The following PLGRKT variants were observed in gnomAD, a reference collection of about 807,000 sequenced individuals.
The protein encoded by PLGRKT is plasminogen receptor (KT).
A neutral mutation model predicts 18.5 loss-of-function variants in PLGRKT; 22 were observed. The ratio of observed to expected loss-of-function variants is 1.19; its 90% CI spans 0.85 to 1.70. The LOEUF is 1.70. Among genes scored for constraint, PLGRKT ranks in the 40% most tolerant of loss-of-function variants. The pLI is 0.00. For missense variants in PLGRKT, 235 were observed against 174.4 expected (o/e 1.35, Z -1.96); for synonymous variants, 72 against 52.8 (o/e 1.36, Z -1.58).
At chr9:5,416,602 C>T (rs1586737414) in intron 3 of PLGRKT, among the ~76,000 whole-genome samples, 2 of 152,106 alleles carry the variant, frequency 1.3e-5, no homozygotes, top group African/African-American at 4.8e-5. Context: ...TGAAAATTTG[C>T]TCTCTTCAGA....
chr9:5,390,310 G>A (rs1817925303), intron 3 of PLGRKT, among the ~76,000 whole-genome samples: 2 of 151,164 alleles, frequency 1.3e-5, no homozygotes, highest in Non-Finnish European at 2.9e-5. Context: ...ACTGCCAGAC[G>A]AAGACCTAGA....
At chr9:5,425,882 A>T (rs919281379) in intron 3 of PLGRKT, among the ~76,000 whole-genome samples, 1 of 152,186 alleles carries the variant, frequency 6.6e-6, no homozygotes, top group Non-Finnish European at 1.5e-5. Flanking sequence ...CTCCAGTAGG[A>T]TAAGATTTTA....
intron 2 of PLGRKT, among the ~76,000 whole-genome samples, chr9:5,435,324 A>C (rs1377841306): frequency 2.0e-5 from 3 of 148,318 alleles, no homozygotes; most frequent in Admixed American, 1.3e-4. Context: ...TAAATACTAA[A>C]AAAAAAAAAA....
At chr9:5,412,858 T>G (rs1418704619) in intron 3 of PLGRKT, among the ~76,000 whole-genome samples, 2 of 152,094 alleles carry the variant, frequency 1.3e-5, no homozygotes, top group East Asian at 3.8e-4. Flanking sequence ...TAGGAAGATA[T>G]ATCCATAGAC....
chr9:5,418,621 TG>T lies in PLGRKT; in HGVS notation c.81+13275del, dbSNP rs2131156131. The T allele has an allele frequency of 1.4e-6, 1 of 716,786 alleles. No individual in the cohort carries two copies. Among genetic ancestry groups the T allele is most frequent in the African/African-American group, 1.7e-5 (1 of 57,546 alleles). 44.4% of individuals were successfully genotyped at this position (716,786 alleles called of 1,614,324 possible). On this transcript the variant is annotated intron_variant, in intron 3 of 5. Transcript: ENST00000223864. The surrounding 1 kb of genome is among the most constrained non-coding windows in gnomAD (Gnocchi z 4.2). Reference sequence around the variant, plus strand: ...CTTCTGCCGGTTCCTGGGCAGCAGGTGGCGGCTCATATCTCCGGGCAGCAGC... The same window carrying T: ...CTTCTGCCGGTTCCTGGGCAGCAGGTGCGGCTCATATCTCCGGGCAGCAGC...
At chr9:5,395,997 G>A (rs1049716926) in intron 3 of PLGRKT, among the ~76,000 whole-genome samples, 2 of 150,126 alleles carry the variant, frequency 1.3e-5, no homozygotes, top group Admixed American at 6.7e-5. Flanking sequence ...GAGTTCAAGC[G>A]ATTCTCCTGC....
At chr9:5,374,081 CGTCTACATTCAAAT>C in intron 3 of PLGRKT, among the ~76,000 whole-genome samples, 1 of 152,290 alleles carries the variant, frequency 6.6e-6, no homozygotes. Flanking sequence ...TTGCTGATGA[CGTCTACATTCAAAT>C]CTCTACCTTA....
intron 3 of PLGRKT, among the ~76,000 whole-genome samples, chr9:5,377,453 T>C (rs1817651609): frequency 6.6e-6 from 1 of 152,190 alleles, no homozygotes; most frequent in Non-Finnish European, 1.5e-5. Context: ...AAGAGACTAT[T>C]CATTTTTTTC....
At chr9:5,403,229 T>C (rs1320210302) in intron 3 of PLGRKT, among the ~76,000 whole-genome samples, 2 of 150,512 alleles carry the variant, frequency 1.3e-5, no homozygotes, top group African/African-American at 2.5e-5. Flanking sequence ...TTTTTCTTTT[T>C]TTTTTTTTTT....
chr9:5,423,863 C>T (rs1330676553), intron 3 of PLGRKT, among the ~76,000 whole-genome samples: 1 of 81,444 alleles, frequency 1.2e-5, no homozygotes, highest in Non-Finnish European at 2.5e-5. Context: ...TCACATTGCC[C>T]AGCTAATATA....
intron 3 of PLGRKT, among the ~76,000 whole-genome samples, chr9:5,399,885 G>T (rs1818124102): frequency 6.6e-6 from 1 of 151,576 alleles, no homozygotes; most frequent in African/African-American, 2.4e-5. Flanking sequence ...CAGCTACTCA[G>T]GAAGCTGAGG....
chr9:5,416,562 C>T (rs1163406891), intron 3 of PLGRKT, among the ~76,000 whole-genome samples: 4 of 152,200 alleles, frequency 2.6e-5, no homozygotes, highest in Admixed American at 2.0e-4. Context: ...AATCCACCCC[C>T]TTGCCCAAGC....
At chr9:5,414,993 C>A (rs1474968965) in intron 3 of PLGRKT, among the ~76,000 whole-genome samples, 1 of 152,106 alleles carries the variant, frequency 6.6e-6, no homozygotes, top group Non-Finnish European at 1.5e-5. Flanking sequence ...CATGTCTTTG[C>A]TAAGAGGACA....
At chr9:5,430,522 G>C (rs1184204731) in intron 3 of PLGRKT, among the ~76,000 whole-genome samples, 1 of 152,172 alleles carries the variant, frequency 6.6e-6, no homozygotes, top group Non-Finnish European at 1.5e-5. Context: ...TATTTATGAG[G>C]TGAGAAGCAT....
chr9:5,383,215 GATT>G lies in PLGRKT; in HGVS notation c.82-21330_82-21328del, dbSNP rs151086661. On this transcript the variant is annotated intron_variant, in intron 3 of 5. Transcript: ENST00000223864. ...CTGGAAGCTGCAAAAGGCAAAGAAG[GATT>G]CTCCCCTAGAGCCTTCAGAGAGACG... Among the ~76,000 whole-genome samples, 240 of 152,302 alleles carry G rather than the reference GATT, an allele frequency of 1.6e-3. 1 individual carries two copies. The highest frequency in any genetic ancestry group is 5.3e-3 in the African/African-American group (221 of 41,568).
At chr9:5,415,161 G>T (rs868626491) in intron 3 of PLGRKT, among the ~76,000 whole-genome samples, 32 of 152,220 alleles carry the variant, frequency 2.1e-4, no homozygotes, top group Middle Eastern at 3.4e-3. Context: ...TCACAGAAAA[G>T]AAGCAGGTAC....
At chr9:5,398,264 G>T (rs892979880) in intron 3 of PLGRKT, among the ~76,000 whole-genome samples, 1 of 151,818 alleles carries the variant, frequency 6.6e-6, no homozygotes, top group African/African-American at 2.4e-5. Flanking sequence ...GATTTAGGAA[G>T]GTGAGAAACC....
In PLGRKT at chr9:5,392,111, G is replaced by A. The variant is rs1189227897; in HGVS notation, c.82-30223C>T. Among the ~76,000 whole-genome samples the A allele has an allele frequency of 2.0e-5, 3 of 151,946 alleles. No individual in the cohort carries two copies. The East Asian group carries it at 5.8e-4, about 29-fold the overall frequency. ...CATGCTGAACACACTGGGACAAATT[G>A]AGTTTTCTGTGCCTTTGGGTTTTTT... On this transcript the variant is annotated intron_variant, in intron 3 of 5. Coordinates refer to ENST00000223864, the MANE Select transcript of PLGRKT (RefSeq NM_018465.4).
chr9:5,406,710 A>C (rs556092089), intron 3 of PLGRKT, among the ~76,000 whole-genome samples: 7 of 152,240 alleles, frequency 4.6e-5, no homozygotes, highest in Non-Finnish European at 8.8e-5. Flanking sequence ...ACCATGGTAC[A>C]CGTTTGCCTA....
Sources: gnomAD v4.1 joint callset for allele counts (sites outside exome capture counted in the v4.1 genomes callset) on GRCh38, gnomAD v4.1.1 for gene constraint, Gnocchi (gnomAD v3.1) non-coding constraint, MANE v1.5 for transcripts, NCBI Gene and HGNC (gene_info 2026-07-23, HGNC 2026-07-21) for gene names.